Variants in ATP8B1 observed in about 807,000 individuals in gnomAD.
ATP8B1 encodes phospholipid-transporting ATPase IC.
A neutral mutation model predicts 149.9 loss-of-function variants in ATP8B1; 80 were observed. That is an observed-to-expected ratio of 0.53 (90% CI 0.45 to 0.64). The LOEUF (loss-of-function observed/expected upper bound fraction) is 0.64. Ranked by LOEUF, ATP8B1 falls within the 30% of genes least tolerant of loss-of-function variation. ATP8B1 has a pLI of 0.00. For synonymous variants in ATP8B1, 536 were observed against 562.8 expected (o/e 0.95, Z 0.67); for missense variants, 1,247 against 1,552.6 (o/e 0.80, Z 3.31).
intron 1 of ATP8B1, among the ~76,000 whole-genome samples, chr18:57,737,479 C>A (rs1158858681): frequency 6.6e-6 from 1 of 151,958 alleles, no homozygotes; most frequent in African/African-American, 2.4e-5. Flanking sequence ...TCTGAGGGCT[C>A]CAGCAATCCT....
intron 1 of ATP8B1, among the ~76,000 whole-genome samples, chr18:57,786,356 CA>C (rs2080409615): frequency 1.3e-5 from 2 of 152,182 alleles, no homozygotes; most frequent in Non-Finnish European, 2.9e-5. Context: ...TCCAGCTCGT[CA>C]AAAGCCTCTC....
rs112925436 is a variant in ATP8B1, at chr18:57,688,652, G to A, written c.1221-145C>T. ...TTAGAATCCCCCTCCAAATTCATAT[G>A]TTGAAACCCAATCCCCAATTCAACA... On this transcript the variant is annotated intron_variant, in intron 12 of 27. Transcript: ENST00000648908. 4,942 of 849,230 alleles carry A rather than the reference G, an allele frequency of 5.8e-3. 143 individuals carry two copies. In the African/African-American group the frequency reaches 0.072, roughly 12 times the overall value. 52.6% of individuals were successfully genotyped at this position (849,230 alleles called of 1,614,324 possible).
chr18:57,716,336 T>G (rs1269880578), intron 2 of ATP8B1, among the ~76,000 whole-genome samples: 1 of 150,452 alleles, frequency 6.6e-6, no homozygotes, highest in African/African-American at 2.4e-5. Context: ...ATGGCAAGAG[T>G]AAGTCCTTAC....
chr18:57,706,277 A>G (rs1913387165), intron 3 of ATP8B1, among the ~76,000 whole-genome samples: 1 of 152,186 alleles, frequency 6.6e-6, no homozygotes, highest in Non-Finnish European at 1.5e-5. Context: ...GAAAATTTCA[A>G]TCTACATAAT....
At chr18:57,770,717 G>T (rs1036262271) in intron 1 of ATP8B1, among the ~76,000 whole-genome samples, 3 of 152,252 alleles carry the variant, frequency 2.0e-5, no homozygotes, top group South Asian at 2.1e-4. Flanking sequence ...GTATACTGGG[G>T]CTTGCCTACT....
chr18:57,785,285 T>G (rs1161328951), intron 1 of ATP8B1, among the ~76,000 whole-genome samples: 1 of 152,246 alleles, frequency 6.6e-6, no homozygotes, highest in Non-Finnish European at 1.5e-5. Flanking sequence ...ATGTAAATAT[T>G]TCATAGCTCA....
At chr18:57,654,349 C>T (rs1189928539) in intron 23 of ATP8B1, among the ~76,000 whole-genome samples, 1 of 151,466 alleles carries the variant, frequency 6.6e-6, no homozygotes, top group African/African-American at 2.4e-5. Context: ...GACAGAGTCT[C>T]ACTCTGTCGC....
intron 17 of ATP8B1, among the ~76,000 whole-genome samples, chr18:57,670,589 A>G (rs918421854): frequency 1.5e-4 from 22 of 151,044 alleles, no homozygotes; most frequent in African/African-American, 5.1e-4. Context: ...TAACCTCGTG[A>G]TCTGCCACCT....
chr18:57,695,453 C>T lies in ATP8B1; in HGVS notation c.778G>A (p.Asp260Asn). 1 of 1,611,258 alleles carries T rather than the reference C, an allele frequency of 6.2e-7. No homozygotes were observed. The highest frequency in any genetic ancestry group is 8.5e-7 in the Non-Finnish European group (1 of 1,177,474). ...LQREDTLATF[D>N]GFIECEEPNN... Reference sequence around the variant, plus strand: ...GTAAGACATGTTTGGTACAAACCATCAAATGTAGCCAATGTATCTTCTCTT... The same window carrying T: ...GTAAGACATGTTTGGTACAAACCATTAAATGTAGCCAATGTATCTTCTCTT... The change falls in exon 9 of 28, where the codon GAT (aspartate) becomes AAT (asparagine). Residue 260 changes from aspartate to asparagine, a missense_variant. Coordinates refer to ENST00000648908, the MANE Select transcript of ATP8B1 (RefSeq NM_001374385.1).
intron 12 of ATP8B1, 74 bp downstream of exon 12, chr18:57,691,733 A>C: frequency 1.3e-6 from 2 of 1,538,856 alleles, no homozygotes; most frequent in South Asian, 1.2e-5. Context: ...TGATCACTAG[A>C]AATGAAGGCA....
At position 57,674,934 on chromosome 18, in the gene ATP8B1, G is replaced by T; in HGVS notation, c.1719C>A (p.Thr573=). The change falls in exon 16 of 28, where the codon ACC becomes ACA. Residue 573 remains threonine (T), a synonymous_variant. Transcript: ENST00000648908. ...GTTCACTGATGGTGATGGTGTTCTG[G>T]GTCCTGGCGAGGAAGGCAAAGCCAA... The part of the protein sequence containing the change: ...RNFGFAFLAR[T]QNTITISELG... 23 of 1,614,244 alleles carry T rather than the reference G, an allele frequency of 1.4e-5. No homozygotes were observed. The highest frequency in any genetic ancestry group is 1.9e-5 in the Non-Finnish European group (23 of 1,180,056).
rs1483501943 is a variant in ATP8B1, at chr18:57,647,182, C to A, written c.*1306G>T. ...TATTCTGCAATTTATTACTGATATCCTCAGTTTTTAAAAACCCCCTTTTTA... is the reference window on the plus strand; with the variant it reads ...TATTCTGCAATTTATTACTGATATCATCAGTTTTTAAAAACCCCCTTTTTA... On this transcript the variant is annotated 3_prime_UTR_variant, in exon 28 of 28. Transcript: ENST00000648908. 6.6e-6 allele frequency: 1 copy of A among 152,118 alleles called. No individual in the cohort carries two copies. Among genetic ancestry groups the A allele is most frequent in the Non-Finnish European group, 1.5e-5 (1 of 68,030 alleles). 9.4% of individuals were successfully genotyped at this position (152,118 alleles called of 1,614,324 possible).
At chr18:57,773,200 T>TAAAAAAAAAAAAAA (rs530739448) in intron 1 of ATP8B1, among the ~76,000 whole-genome samples, 1 of 125,560 alleles carries the variant, frequency 8.0e-6, no homozygotes, top group African/African-American at 3.1e-5. Flanking sequence ...AGACTCTGTC[T>TAAAAAAAAAAAAAA]TAAAAAAAAA....
intron 12 of ATP8B1, 133 bp downstream of exon 12, chr18:57,691,674 C>A: frequency 8.3e-7 from 1 of 1,199,700 alleles, no homozygotes; most frequent in Non-Finnish European, 1.1e-6. Context: ...ACCCTCAATT[C>A]TGAAATGAAC....
chr18:57,719,905 C>G (rs1278933693), intron 2 of ATP8B1, among the ~76,000 whole-genome samples: 9 of 152,276 alleles, frequency 5.9e-5, no homozygotes, highest in South Asian at 2.1e-4. Flanking sequence ...ATCTGAGAAC[C>G]AACAGACTGC....
chr18:57,771,785 C>A (rs1443937344), intron 1 of ATP8B1, among the ~76,000 whole-genome samples: 1 of 152,100 alleles, frequency 6.6e-6, no homozygotes, highest in African/African-American at 2.4e-5. Context: ...TCAAAGGGCA[C>A]ACTTAGCAGT....
chr18:57,684,834 G>A (rs1912152999), intron 14 of ATP8B1, among the ~76,000 whole-genome samples: 1 of 152,136 alleles, frequency 6.6e-6, no homozygotes, highest in South Asian at 2.1e-4. Flanking sequence ...TTATTAGAAG[G>A]GGAAATGTGG....
intron 16 of ATP8B1, among the ~76,000 whole-genome samples, chr18:57,672,927 T>TACATAC (rs1911332142): frequency 5.4e-5 from 2 of 36,950 alleles, no homozygotes; most frequent in African/African-American, 2.8e-4. Flanking sequence ...TATATATATA[T>TACATAC]ATATAACATG....
intron 16 of ATP8B1, 63 bp downstream of exon 16, chr18:57,674,771 A>G (rs972676814): frequency 3.2e-6 from 5 of 1,572,418 alleles, no homozygotes; most frequent in Non-Finnish European, 3.5e-6. Context: ...ATGCCACTCA[A>G]TACAATGGGC....
Sources: gnomAD v4.1 joint callset for allele counts (sites outside exome capture counted in the v4.1 genomes callset) on GRCh38, gnomAD v4.1.1 for gene constraint, MANE v1.5 for transcripts, NCBI Gene and HGNC (gene_info 2026-07-23, HGNC 2026-07-21) for gene names.